Variants in ARHGAP23 observed in about 807,000 individuals in gnomAD.
ARHGAP23 encodes the protein rho GTPase-activating protein 23.
A neutral mutation model predicts 136.3 loss-of-function variants in ARHGAP23; 34 were observed. That is an observed-to-expected ratio of 0.25 (90% CI 0.19 to 0.33). The LOEUF (loss-of-function observed/expected upper bound fraction) is 0.33. ARHGAP23 is among the 10% of genes least tolerant of loss of function. The pLI is 1.00. For synonymous variants in ARHGAP23, 832 were observed against 920.5 expected, an observed-to-expected ratio of 0.90 and a Z score of 1.74; for missense variants, 1,808 against 2,139.0, an observed-to-expected ratio of 0.85 and a Z score of 3.05.
At chr17:38,464,410 A>G (rs545955311) in intron 6 of ARHGAP23, among the ~76,000 whole-genome samples, 1 of 152,318 alleles carries the variant, frequency 6.6e-6, no homozygotes, top group African/African-American at 2.4e-5. Context: ...ATGGCGGCTT[A>G]CTTGCCCCTG....
intron 23 of ARHGAP23, among the ~76,000 whole-genome samples, chr17:38,505,071 C>T (rs1192391102): frequency 2.3e-5 from 3 of 132,550 alleles, no homozygotes; most frequent in Admixed American, 1.7e-4. Flanking sequence ...GTGGCCTGAA[C>T]ACAGCTCACT....
chr17:38,462,598 A>G (rs1014067550), intron 3 of ARHGAP23, among the ~76,000 whole-genome samples: 1 of 152,176 alleles, frequency 6.6e-6, no homozygotes, highest in Admixed American at 6.5e-5. Context: ...TGAAGAGGAC[A>G]CAGGAGGTGT....
intron 23 of ARHGAP23, among the ~76,000 whole-genome samples, chr17:38,503,521 AC>A (rs2040565546): frequency 6.6e-6 from 1 of 151,694 alleles, no homozygotes; most frequent in South Asian, 2.1e-4. Context: ...GCTTCTCCAC[AC>A]TCCCCGGAGA....
At chr17:38,421,073 C>T (rs1346568918) in intron 1 of ARHGAP23, among the ~76,000 whole-genome samples, 1 of 152,184 alleles carries the variant, frequency 6.6e-6, no homozygotes, top group Non-Finnish European at 1.5e-5. Flanking sequence ...CCCTCCGTAA[C>T]TGTTCTGGGG....
intron 1 of ARHGAP23, 34 bp from the exon 2 acceptor site, chr17:38,458,068 C>T (rs548148540): frequency 3.6e-5 from 55 of 1,534,800 alleles, no homozygotes; most frequent in Admixed American, 9.8e-5. Flanking sequence ...GTCAGCCACA[C>T]GGGCGCTCAG....
Position 38,497,805 on chromosome 17 carries a change from C to A in ARHGAP23, c.3297C>A (p.Asp1099Glu). The change falls in exon 21 of 24, where the codon GAC (aspartate) becomes GAA (glutamate). Residue 1099 changes from aspartate (D) to glutamate (E), a missense_variant. Physicochemically the swap from Asp to Glu is conservative, Grantham distance 45. Around this residue, in one of 7 missense-constraint regions of ARHGAP23, gnomAD observed 104 missense variants for 131.8 expected, o/e 0.79. Transcript: ENST00000622683. ...LIQHSDWFFSDEEDKGERTPV... is the reference protein window; with the variant it reads ...LIQHSDWFFSEEEDKGERTPV... Reference sequence around the variant, plus strand: ...TGCAGTCAGACTGGTTCTTCAGTGACGAAGAGGACAAGGGAGAGAGAGTAA... The same window carrying A: ...TGCAGTCAGACTGGTTCTTCAGTGAAGAAGAGGACAAGGGAGAGAGAGTAA... 6.4e-7 allele frequency: 1 copy of A among 1,551,236 alleles called. No individual in the cohort carries two copies. Among genetic ancestry groups the A allele is most frequent in the Non-Finnish European group, 8.7e-7 (1 of 1,146,846 alleles).
upstream of ARHGAP23, among the ~76,000 whole-genome samples, chr17:38,424,530 C>T (rs1269827313): frequency 1.3e-5 from 2 of 152,168 alleles, no homozygotes; most frequent in African/African-American, 4.8e-5. Context: ...CTTGTTGCCT[C>T]CTCCTTCTCT....
intron 14 of ARHGAP23, among the ~76,000 whole-genome samples, chr17:38,481,257 C>T (rs1017322235): frequency 6.6e-6 from 1 of 152,046 alleles, no homozygotes; most frequent in African/African-American, 2.4e-5. Flanking sequence ...CGCCATTCTC[C>T]TGCCTCAGCC....
rs375359429 is a variant in ARHGAP23, at chr17:38,440,230, G to A, written c.63+11682G>A. Among the ~76,000 whole-genome samples, 10 of 152,160 alleles carry A rather than the reference G, an allele frequency of 6.6e-5. No homozygotes were observed. In the East Asian group the frequency reaches 1.2e-3, roughly 18 times the overall value. ...GACAAGGTTTCACCATGTTGGCCAA[G>A]CTGGTGTCTAACTCCTGGCTTCAAG... On this transcript the variant is annotated intron_variant, in intron 1 of 23. Transcript: ENST00000622683.
At chr17:38,432,023 A>G (rs957463253) in intron 1 of ARHGAP23, among the ~76,000 whole-genome samples, 8 of 152,172 alleles carry the variant, frequency 5.3e-5, no homozygotes, top group African/African-American at 1.9e-4. Context: ...GCAGTTCTCC[A>G]TAAATGTTTG....
rs1005546708 is a variant in ARHGAP23, at chr17:38,434,251, G to A, written c.63+5703G>A. Among the ~76,000 whole-genome samples, 6 of 152,226 alleles carry A rather than the reference G, an allele frequency of 3.9e-5. No homozygotes were observed. In the South Asian group the frequency reaches 8.3e-4, roughly 21 times the overall value. On this transcript the variant is annotated intron_variant, in intron 1 of 23. Coordinates refer to ENST00000622683, the MANE Select transcript of ARHGAP23 (RefSeq NM_001199417.2). ...GGAGGAGGAGCCAGGGCTACTCCCG[G>A]TGGCAAGGAGCCCGGGCCCGTAAGG... is the stretch of plus-strand genomic sequence containing the variant.
intron 17 of ARHGAP23, 48 bp downstream of exon 17, chr17:38,486,188 C>G: frequency 1.4e-6 from 2 of 1,464,870 alleles, no homozygotes; most frequent in Non-Finnish European, 1.9e-6. Context: ...CAGTCCGTGC[C>G]TCACCCTGAC....
chr17:38,444,929 T>C (rs2038998848), intron 1 of ARHGAP23, among the ~76,000 whole-genome samples: 3 of 151,890 alleles, frequency 2.0e-5, no homozygotes, highest in South Asian at 4.2e-4. Context: ...GCAATTCTCC[T>C]ACCTCAGCCT....
chr17:38,484,432 C>G (rs1031099859), intron 16 of ARHGAP23, among the ~76,000 whole-genome samples: 1 of 152,046 alleles, frequency 6.6e-6, no homozygotes. Context: ...TATATTGAGC[C>G]TGGACTAGAG....
At chr17:38,486,038 C>T (rs1317017358) in intron 16 of ARHGAP23, 24 bp from the exon 17 acceptor site, 10 of 1,548,638 alleles carry the variant, frequency 6.5e-6, no homozygotes, top group East Asian at 4.9e-5. Flanking sequence ...CCTGCCTGTG[C>T]CTGACATCTG....
intron 1 of ARHGAP23, among the ~76,000 whole-genome samples, chr17:38,420,700 G>A (rs1199275804): frequency 6.6e-6 from 1 of 152,174 alleles, no homozygotes; most frequent in Non-Finnish European, 1.5e-5. Context: ...TGTGAGTCTG[G>A]GGCGGGGCTG....
rs113993356 is a variant in ARHGAP23 at position 38,457,713 on chromosome 17, AT to A, written c.64-387del. ...ATATGTGTGCATGTGTGTGTGTGAG[AT>A]TGTGCATGAGCTAAGACAACGACAG... On this transcript the variant is annotated intron_variant, in intron 1 of 23. Transcript: ENST00000622683. 289 of 300,300 alleles carry A rather than the reference AT, an allele frequency of 9.6e-4. 2 individuals are homozygous for A. Among genetic ancestry groups the A allele is most frequent in the African/African-American group, 5.6e-3 (257 of 45,586 alleles). 18.6% of individuals were successfully genotyped at this position (300,300 alleles called of 1,614,324 possible).
At chr17:38,470,615 C>T (rs2039728113) in intron 10 of ARHGAP23, among the ~76,000 whole-genome samples, 1 of 152,204 alleles carries the variant, frequency 6.6e-6, no homozygotes, top group Non-Finnish European at 1.5e-5. Flanking sequence ...TGGCTCACTG[C>T]AACCTCCACC....
In ARHGAP23 at chr17:38,477,086, G is replaced by A. The variant is rs1047302799; in HGVS notation, c.2119-493G>A. Among the ~76,000 whole-genome samples, 8 of 152,280 alleles carry A rather than the reference G, an allele frequency of 5.3e-5. No homozygotes were observed. Among genetic ancestry groups the A allele is most frequent in the African/African-American group, 1.4e-4 (6 of 41,550 alleles). Reference sequence around the variant, plus strand: ...CAGCCACTGGCTTTGGCCACATGGCGGTTCTGGGTGTCCCTGAGAAGGAGC... The same window carrying A: ...CAGCCACTGGCTTTGGCCACATGGCAGTTCTGGGTGTCCCTGAGAAGGAGC... On this transcript the variant is annotated intron_variant, in intron 11 of 23. Transcript: ENST00000622683. The surrounding 1 kb of genome is among the most constrained non-coding windows in gnomAD (Gnocchi z 6.6).
Sources: gnomAD v4.1 joint callset for allele counts (sites outside exome capture counted in the v4.1 genomes callset) on GRCh38, gnomAD v4.1.1 for gene constraint, gnomAD v4.1.1 regional missense constraint, Gnocchi (gnomAD v3.1) non-coding constraint, MANE v1.5 for transcripts, NCBI Gene and HGNC (gene_info 2026-07-23, HGNC 2026-07-21) for gene names.